The following UNC5C variants were observed in gnomAD, a reference collection of about 807,000 sequenced individuals.
UNC5C encodes netrin receptor UNC5C.
In UNC5C, 47 loss-of-function variants were observed where a neutral mutation model predicts 99.8. That is an observed-to-expected ratio of 0.47 (90% confidence interval 0.37 to 0.60). The LOEUF is 0.60. UNC5C is among the 20% of genes least tolerant of loss of function. The probability of loss-of-function intolerance (pLI) is 0.00; values close to 1 mark genes in which losing one functional copy is unlikely to be tolerated. For synonymous variants in UNC5C, 487 were observed against 452.2 expected (o/e 1.08, Z -0.98); for missense variants, 1,062 against 1,165.9 (o/e 0.91, Z 1.30).
chr4:95,233,927 C>T (rs1739003437), intron 7 of UNC5C, among the ~76,000 whole-genome samples: 1 of 151,632 alleles, frequency 6.6e-6, no homozygotes, highest in Admixed American at 6.6e-5. Flanking sequence ...CAGAATGAGA[C>T]TCCATCACAT....
intron 1 of UNC5C, among the ~76,000 whole-genome samples, chr4:95,343,692 A>G (rs1743663003): frequency 6.6e-6 from 1 of 152,096 alleles, no homozygotes; most frequent in African/African-American, 2.4e-5. Context: ...CTAAGATAAC[A>G]TAGAGAAGGA....
At chr4:95,284,502 A>G (rs996084131) in intron 3 of UNC5C, among the ~76,000 whole-genome samples, 2 of 152,202 alleles carry the variant, frequency 1.3e-5, no homozygotes, top group East Asian at 1.9e-4. Context: ...TTTGAAGACA[A>G]CAGCTTATAA....
At chr4:95,437,988 T>C (rs149652454) in intron 1 of UNC5C, among the ~76,000 whole-genome samples, 54 of 152,202 alleles carry the variant, frequency 3.5e-4, no homozygotes, top group Non-Finnish European at 6.9e-4. Flanking sequence ...AATTCATTAA[T>C]ACTATGTGTG....
intron 1 of UNC5C, among the ~76,000 whole-genome samples, chr4:95,401,623 T>C (rs1745700414): frequency 6.6e-6 from 1 of 152,176 alleles, no homozygotes; most frequent in African/African-American, 2.4e-5. Context: ...TTAATACAGA[T>C]TGGGTAATAA....
chr4:95,372,049 A>G (rs1471818881), intron 1 of UNC5C, among the ~76,000 whole-genome samples: 2 of 152,112 alleles, frequency 1.3e-5, no homozygotes. Context: ...TTCCTGAAAC[A>G]TGTAACAATC....
At chr4:95,305,108 C>G (rs545188999) in intron 2 of UNC5C, among the ~76,000 whole-genome samples, 1 of 152,328 alleles carries the variant, frequency 6.6e-6, no homozygotes, top group South Asian at 2.1e-4. Context: ...TATTCAGCTT[C>G]ACAGATGTCC....
chr4:95,284,698 C>G (rs1213091830), intron 3 of UNC5C, among the ~76,000 whole-genome samples: 1 of 152,024 alleles, frequency 6.6e-6, no homozygotes, highest in Admixed American at 6.6e-5. Flanking sequence ...AAAATTCAGG[C>G]CCTGATGATT....
At chr4:95,213,425 A>G (rs1324775502) in intron 10 of UNC5C, among the ~76,000 whole-genome samples, 2 of 152,220 alleles carry the variant, frequency 1.3e-5, no homozygotes, top group Non-Finnish European at 2.9e-5. Flanking sequence ...CAGGAGAGGT[A>G]GAAATCCTGA....
intron 1 of UNC5C, among the ~76,000 whole-genome samples, chr4:95,487,962 G>C (rs774730745): frequency 6.6e-6 from 1 of 151,762 alleles, no homozygotes; most frequent in Non-Finnish European, 1.5e-5. Context: ...GAAGGTTGAA[G>C]AGAATTTTAG....
chr4:95,524,905 A>G (rs1211226993), intron 1 of UNC5C, among the ~76,000 whole-genome samples: 2 of 152,260 alleles, frequency 1.3e-5, no homozygotes, highest in African/African-American at 2.4e-5. Flanking sequence ...CTGTTTCCTC[A>G]TCTGTAAAAT....
chr4:95,444,610 C>T (rs959978186), intron 1 of UNC5C, among the ~76,000 whole-genome samples: 7 of 152,162 alleles, frequency 4.6e-5, no homozygotes, highest in African/African-American at 1.7e-4. Flanking sequence ...GGATTACAGG[C>T]GTGAGGCACC....
At chr4:95,471,065 C>T (rs1045219794) in intron 1 of UNC5C, among the ~76,000 whole-genome samples, 3 of 149,896 alleles carry the variant, frequency 2.0e-5, no homozygotes, top group Non-Finnish European at 4.4e-5. Context: ...TGGAAATATC[C>T]TTCATGCAAC....
intron 4 of UNC5C, among the ~76,000 whole-genome samples, chr4:95,265,765 T>G (rs538975625): frequency 6.6e-6 from 1 of 152,124 alleles, no homozygotes; most frequent in African/African-American, 2.4e-5. Flanking sequence ...TCAGGCAGAG[T>G]TGGCTTTGAA....
chr4:95,465,314 A>G (rs763389653), intron 1 of UNC5C, among the ~76,000 whole-genome samples: 25 of 152,188 alleles, frequency 1.6e-4, no homozygotes, highest in Admixed American at 4.6e-4. Flanking sequence ...TCTCTAAAGT[A>G]GGAACAAAAG....
intron 11 of UNC5C, 41 bp downstream of exon 11, chr4:95,206,587 G>A (rs776439972): frequency 2.5e-5 from 41 of 1,612,302 alleles, no homozygotes; most frequent in Middle Eastern, 1.7e-4. Context: ...TATCTGCATG[G>A]ATTATTCTTG....
intron 1 of UNC5C, among the ~76,000 whole-genome samples, chr4:95,406,468 A>G (rs868513882): frequency 6.6e-6 from 1 of 152,328 alleles, no homozygotes; most frequent in South Asian, 2.1e-4. Flanking sequence ...CATTAGGTCC[A>G]TCCCTGATTT....
intron 2 of UNC5C, among the ~76,000 whole-genome samples, chr4:95,314,370 A>G (rs1483735): frequency 0.6 from 90,808 of 152,002 alleles, 27,793 homozygotes; most frequent in East Asian, 0.84. Flanking sequence ...CTGGAATTTT[A>G]CTAATCCTCC....
At chr4:95,436,997 G>GA (rs34226369) in intron 1 of UNC5C, among the ~76,000 whole-genome samples, 87,769 of 128,988 alleles carry the variant, frequency 0.68, 28,943 homozygotes, top group East Asian at 0.91. Flanking sequence ...TTTCTTTCTT[G>GA]AAAAAAAAAA....
chr4:95,447,018 A>G (rs949182606), intron 1 of UNC5C, among the ~76,000 whole-genome samples: 1 of 152,158 alleles, frequency 6.6e-6, no homozygotes, highest in Non-Finnish European at 1.5e-5. Flanking sequence ...TCAGGAATTG[A>G]CTGCATACAA....
Sources: gnomAD v4.1 joint callset for allele counts (sites outside exome capture counted in the v4.1 genomes callset) on GRCh38, gnomAD v4.1.1 for gene constraint, MANE v1.5 for transcripts, NCBI Gene and HGNC (gene_info 2026-07-23, HGNC 2026-07-21) for gene names.